ITGA6: variants seen among roughly 807,000 people sequenced by gnomAD.
ITGA6 encodes integrin subunit alpha 6, also known as integrin alpha-6.
Under a neutral mutation model 133.6 loss-of-function variants are expected in ITGA6, and 63 were observed. The ratio of observed to expected loss-of-function variants is 0.47; its 90% CI spans 0.38 to 0.58. The LOEUF (loss-of-function observed/expected upper bound fraction) is 0.58. Among genes scored for constraint, ITGA6 ranks in the 20% least tolerant of loss-of-function variants. ITGA6 has a pLI of 0.00. For synonymous variants in ITGA6, 434 were observed against 482.0 expected, an observed-to-expected ratio of 0.90 and a Z score of 1.30; for missense variants, 1,068 against 1,309.4, an observed-to-expected ratio of 0.82 and a Z score of 2.85.
intron 1 of ITGA6, among the ~76,000 whole-genome samples, chr2:172,434,607 T>C (rs1684242230): frequency 6.6e-6 from 1 of 151,938 alleles, no homozygotes; most frequent in African/African-American, 2.4e-5. Flanking sequence ...CTAAAACCAA[T>C]TAAATGGTAA....
chr2:172,437,140 A>T (rs1684353535), intron 1 of ITGA6, among the ~76,000 whole-genome samples: 2 of 152,248 alleles, frequency 1.3e-5, no homozygotes, highest in South Asian at 4.1e-4. Flanking sequence ...CTTATGGATC[A>T]TCGAATGACT....
rs189127895 is a variant in ITGA6, at chr2:172,505,588, T to A, written c.*1520T>A. On this transcript the variant is annotated 3_prime_UTR_variant, in exon 26 of 26. Transcript: ENST00000684293. ...AATAGATATGAAAGCTGATTTTTTT[T>A]AATTACCATGCTTCACAATGTTAAG... 11 of 152,634 alleles carry A rather than the reference T, an allele frequency of 7.2e-5. No homozygotes were observed. The highest frequency in any genetic ancestry group is 1.9e-4 in the African/African-American group (8 of 41,456). 9.5% of individuals were successfully genotyped at this position (152,634 alleles called of 1,614,324 possible). A position where few individuals can be genotyped will look rare whatever the true frequency, so the allele number is the denominator to read the frequency against.
At chr2:172,432,089 T>C (rs1684127642) in intron 1 of ITGA6, among the ~76,000 whole-genome samples, 1 of 152,056 alleles carries the variant, frequency 6.6e-6, no homozygotes, top group African/African-American at 2.4e-5. Flanking sequence ...GTGAGGCCAG[T>C]GAATTATTTG....
intron 1 of ITGA6, among the ~76,000 whole-genome samples, chr2:172,441,558 T>TAAAAAAAAAA (rs1559116474): frequency 4.6e-5 from 3 of 64,854 alleles, no homozygotes; most frequent in Admixed American, 1.9e-4. Flanking sequence ...CGCTGTCTCT[T>TAAAAAAAAAA]TAAAAAAAAA....
At chr2:172,501,543 A>G (rs531156711) in intron 24 of ITGA6, among the ~76,000 whole-genome samples, 3 of 152,368 alleles carry the variant, frequency 2.0e-5, no homozygotes, top group South Asian at 2.1e-4. Context: ...AGAAAAATCA[A>G]TGAGCTGACT....
Position 172,427,759 on chromosome 2 carries a change from G to T in ITGA6, c.-30G>T, listed in dbSNP as rs1320475085. The T allele has an allele frequency of 3.9e-6, 6 of 1,551,094 alleles. No individual in the cohort carries two copies. Among genetic ancestry groups the T allele is most frequent in the Non-Finnish European group, 4.3e-6 (5 of 1,149,868 alleles). ...CCGGAGCGCAGGGCGGCCGCTGCAG[G>T]TCCCCGCTCCCCTCCCCGTGCGTCC... On this transcript the variant is annotated 5_prime_UTR_variant, in exon 1 of 26. Coordinates refer to ENST00000684293, the MANE Select transcript of ITGA6 (RefSeq NM_000210.4).
intron 1 of ITGA6, among the ~76,000 whole-genome samples, chr2:172,450,017 T>C (rs1432336360): frequency 6.9e-6 from 1 of 145,640 alleles, no homozygotes; most frequent in African/African-American, 2.6e-5. Context: ...GAGTCAAGAG[T>C]GTTCGGAACC....
chr2:172,476,254 A>G (rs1170469017), intron 8 of ITGA6, 141 bp from the exon 9 acceptor site: 2 of 677,330 alleles, frequency 3.0e-6, no homozygotes, highest in Admixed American at 4.4e-5. Context: ...ATAGAAATTT[A>G]TGACTTGTAT....
At chr2:172,492,589 C>G (rs1686969309) in intron 23 of ITGA6, among the ~76,000 whole-genome samples, 1 of 152,206 alleles carries the variant, frequency 6.6e-6, no homozygotes, top group Non-Finnish European at 1.5e-5. Flanking sequence ...TTGAATAGGA[C>G]TAGGTGTAGA....
chr2:172,503,210 C>T (rs1230146550), intron 25 of ITGA6, among the ~76,000 whole-genome samples: 1 of 151,890 alleles, frequency 6.6e-6, no homozygotes, highest in Admixed American at 6.6e-5. Context: ...GTTGAAAACA[C>T]CTTTTTTTAA....
chr2:172,433,180 T>C (rs1165101087), intron 1 of ITGA6, among the ~76,000 whole-genome samples: 1 of 152,186 alleles, frequency 6.6e-6, no homozygotes, highest in African/African-American at 2.4e-5. Context: ...GGTACAACTC[T>C]GGAATCAAAT....
intron 1 of ITGA6, among the ~76,000 whole-genome samples, chr2:172,437,204 G>A (rs565123967): frequency 1.3e-5 from 2 of 152,318 alleles, no homozygotes; most frequent in South Asian, 2.1e-4. Flanking sequence ...AGAAGAGTAG[G>A]ACATGTCCTC....
Position 172,487,028 on chromosome 2 carries a change from C to T in ITGA6, c.1860C>T (p.His620=), listed in dbSNP as rs1686710469. ...DEPKTAHIDV[H]FLKEGCGDDN... is the part of the protein sequence containing the mutation. ...TAGTTTTCGTTTTCCTACAGGTTCA[C>T]TTCTTAAAAGAGGGATGTGGAGACG... is the stretch of plus-strand genomic sequence containing the variant. Residue 620 remains histidine, a synonymous_variant, in exon 14 of 26, where the codon CAC becomes CAT. Coordinates refer to ENST00000684293, the MANE Select transcript of ITGA6 (RefSeq NM_000210.4). 6.3e-7 allele frequency: 1 copy of T among 1,593,370 alleles called. No homozygotes were observed.
chr2:172,504,095 G>T lies in ITGA6; in HGVS notation c.*27G>T. 1 of 1,580,104 alleles carries T rather than the reference G, an allele frequency of 6.3e-7. No homozygotes were observed. The highest frequency in any genetic ancestry group is 8.6e-7 in the Non-Finnish European group (1 of 1,163,974). ...TTCTCTTTCCCTCTTCTCTAGTGTG[G>T]ATTCTTTAAACGCTCTAGGTACGAT... On this transcript the variant is annotated 3_prime_UTR_variant, in exon 26 of 26. Transcript: ENST00000684293.
At chr2:172,455,612 A>AT (rs1397916491) in intron 1 of ITGA6, among the ~76,000 whole-genome samples, 3 of 152,322 alleles carry the variant, frequency 2.0e-5, no homozygotes, top group African/African-American at 7.2e-5. Context: ...GTAGGAAAAC[A>AT]TATATATACT....
intron 4 of ITGA6, among the ~76,000 whole-genome samples, chr2:172,469,759 G>A (rs554380479): frequency 5.0e-4 from 76 of 152,312 alleles, no homozygotes; most frequent in African/African-American, 1.8e-3. Flanking sequence ...ACAAATAACA[G>A]TGTATTAACA....
At chr2:172,435,190 A>G (rs1263652511) in intron 1 of ITGA6, among the ~76,000 whole-genome samples, 2 of 152,124 alleles carry the variant, frequency 1.3e-5, no homozygotes, top group African/African-American at 2.4e-5. Context: ...TGCTGCCATT[A>G]TGATAAAGCA....
At chr2:172,465,824 T>G (rs1284831968) in intron 2 of ITGA6, 161 bp downstream of exon 2, 1 of 1,018,790 alleles carries the variant, frequency 9.8e-7, no homozygotes. Context: ...ATTTACTTAC[T>G]TTACTTCTGA....
chr2:172,439,139 C>T (rs913581806), intron 1 of ITGA6, among the ~76,000 whole-genome samples: 35 of 151,818 alleles, frequency 2.3e-4, no homozygotes, highest in African/African-American at 8.0e-4. Context: ...GACAGGAGGG[C>T]GTTGACTGGG....
Sources: allele counts gnomAD v4.1 joint callset (sites outside exome capture counted in the v4.1 genomes callset), GRCh38; gene constraint gnomAD v4.1.1; transcripts MANE v1.5; gene names NCBI Gene and HGNC (gene_info 2026-07-23, HGNC 2026-07-21).